Variants in EPHA6 observed in about 807,000 individuals in gnomAD.
EPHA6 encodes the protein ephrin type-A receptor 6.
EPHA6 carries 50 observed loss-of-function variants against 112.0 expected under a neutral mutation model. That is an observed-to-expected ratio of 0.45 (90% confidence interval 0.36 to 0.56). The LOEUF is 0.56. EPHA6 is among the 20% of genes least tolerant of loss of function. EPHA6 has a pLI of 0.00. For synonymous variants in EPHA6, 529 were observed against 490.7 expected (o/e 1.08, Z -1.03); for missense variants, 1,280 against 1,417.4 (o/e 0.90, Z 1.56).
intron 2 of EPHA6, among the ~76,000 whole-genome samples, chr3:96,875,531 A>G (rs2036894627): frequency 6.6e-6 from 1 of 152,118 alleles, no homozygotes; most frequent in Non-Finnish European, 1.5e-5. Context: ...GAGGAAGAAA[A>G]GTAACAGAAA....
intron 2 of EPHA6, among the ~76,000 whole-genome samples, chr3:96,960,858 G>A (rs1269446449): frequency 6.6e-6 from 1 of 152,076 alleles, no homozygotes; most frequent in East Asian, 1.9e-4. Flanking sequence ...TGAGTCATAG[G>A]TGAATAATCT....
intron 8 of EPHA6, among the ~76,000 whole-genome samples, chr3:97,478,651 T>C (rs1222319779): frequency 2.0e-5 from 3 of 152,162 alleles, no homozygotes; most frequent in Non-Finnish European, 2.9e-5. Context: ...TTGGAAAATA[T>C]TCTATGAAAA....
At chr3:97,105,139 T>G (rs1347571022) in intron 3 of EPHA6, among the ~76,000 whole-genome samples, 2 of 152,058 alleles carry the variant, frequency 1.3e-5, no homozygotes, top group African/African-American at 4.8e-5. Context: ...AGTCTACAGT[T>G]CCACTCTGAA....
Position 96,879,823 on chromosome 3 carries a change from A to C in EPHA6, c.450+12934A>C, listed in dbSNP as rs578130745. On this transcript the variant is annotated intron_variant, in intron 2 of 17. Coordinates refer to ENST00000389672, the MANE Select transcript of EPHA6 (RefSeq NM_001080448.3). ...TTCTCAGCTTGGTCATTGTTGGTGC[A>C]TAGAGTGCTACCAATTTGTGTACTC... 2.0e-5 allele frequency among the ~76,000 whole-genome samples: 3 copies of C among 152,256 alleles called. No homozygotes were observed. The South Asian group carries it at 6.2e-4, about 32-fold the overall frequency.
chr3:97,171,316 A>T (rs2108427714), intron 3 of EPHA6, among the ~76,000 whole-genome samples: 1 of 152,302 alleles, frequency 6.6e-6, no homozygotes, highest in East Asian at 1.9e-4. Context: ...TGTGAGAAGA[A>T]GATAAAGCTT....
chr3:97,691,755 G>C (rs2032682158), intron 14 of EPHA6, among the ~76,000 whole-genome samples: 1 of 152,168 alleles, frequency 6.6e-6, no homozygotes, highest in South Asian at 2.1e-4. Flanking sequence ...TGAAACAATA[G>C]TTGTAAATTA....
chr3:97,648,809 G>A (rs373858651), intron 14 of EPHA6, among the ~76,000 whole-genome samples: 10 of 152,094 alleles, frequency 6.6e-5, no homozygotes, highest in East Asian at 1.9e-4. Context: ...CTGATTTCTC[G>A]GATTCTAAAG....
rs138065501 is a variant in EPHA6 at position 96,996,356 on chromosome 3, TC to T, written c.1114+8364del. ...GATTTTTTTTACCTCCTCCCATGAATCACAGATGTTCTTAATGGTATCTAGA... is the reference window on the plus strand; with the variant it reads ...GATTTTTTTTACCTCCTCCCATGAATACAGATGTTCTTAATGGTATCTAGA... On this transcript the variant is annotated intron_variant, in intron 3 of 17. Transcript: ENST00000389672. Among the ~76,000 whole-genome samples, 450 of 152,250 alleles carry T rather than the reference TC, an allele frequency of 3.0e-3. 4 individuals are homozygous for T. Among genetic ancestry groups the T allele is most frequent in the African/African-American group, 9.8e-3 (407 of 41,568 alleles).
chr3:97,039,608 T>C lies in EPHA6; in HGVS notation c.1114+51615T>C, dbSNP rs150735944. ...AGTATATGTAGTTTTGTTTTATTTTTAAAATATCTTAATTTGGGGCATTTT... is the reference window on the plus strand; with the variant it reads ...AGTATATGTAGTTTTGTTTTATTTTCAAAATATCTTAATTTGGGGCATTTT... On this transcript the variant is annotated intron_variant, in intron 3 of 17. Transcript: ENST00000389672. 1.0e-3 allele frequency among the ~76,000 whole-genome samples: 152 copies of C among 152,200 alleles called. 2 individuals are homozygous for C. The highest frequency in any genetic ancestry group is 3.5e-3 in the African/African-American group (144 of 41,556).
intron 5 of EPHA6, among the ~76,000 whole-genome samples, chr3:97,287,280 C>T (rs2080502107): frequency 6.6e-6 from 1 of 151,980 alleles, no homozygotes; most frequent in South Asian, 2.1e-4. Context: ...GCATCCTTGT[C>T]TTGTTCCAGT....
chr3:97,681,083 G>A (rs1392439057), intron 14 of EPHA6, among the ~76,000 whole-genome samples: 2 of 152,060 alleles, frequency 1.3e-5, no homozygotes, highest in African/African-American at 2.4e-5. Flanking sequence ...AAAATAGGAA[G>A]AGGAATTTAC....
chr3:97,386,783 G>C (rs1007385164), intron 5 of EPHA6, among the ~76,000 whole-genome samples: 1 of 152,230 alleles, frequency 6.6e-6, no homozygotes, highest in African/African-American at 2.4e-5. Flanking sequence ...CATAGTAGAG[G>C]TTCTCCATGA....
rs980071621 is a variant in EPHA6 at position 97,264,557 on chromosome 3, C to T, written c.1606+20270C>T. On this transcript the variant is annotated intron_variant, in intron 5 of 17. Transcript: ENST00000389672. ...GGGGAGCTCCCAGGTCTGGACTCCTCGAAGGCCCACAGCTCTTCTTTCCTT... is the reference window on the plus strand; with the variant it reads ...GGGGAGCTCCCAGGTCTGGACTCCTTGAAGGCCCACAGCTCTTCTTTCCTT... 3.9e-5 allele frequency among the ~76,000 whole-genome samples: 6 copies of T among 152,162 alleles called. 1 individual carries two copies.
intron 12 of EPHA6, among the ~76,000 whole-genome samples, chr3:97,596,893 T>TATAC (rs1401657950): frequency 1.4e-5 from 2 of 139,850 alleles, no homozygotes; most frequent in African/African-American, 5.6e-5. Context: ...TATATATATA[T>TATAC]ATATATATAT....
chr3:97,733,503 C>A (rs1209201401), intron 15 of EPHA6, among the ~76,000 whole-genome samples: 2 of 152,030 alleles, frequency 1.3e-5, no homozygotes, highest in African/African-American at 4.8e-5. Flanking sequence ...GCTCCTCTAT[C>A]AAGACAAATC....
In EPHA6 at chr3:97,758,556, C is replaced by G. The variant is rs757158950; in HGVS notation, c.*9855C>G. ...TCGAAGCACTGAGGATACATGGTGA[C>G]CAAGACAAGCAAAGTCCCTGTCTCA... On this transcript the variant is annotated 3_prime_UTR_variant, in exon 18 of 18. Coordinates refer to ENST00000389672, the MANE Select transcript of EPHA6 (RefSeq NM_001080448.3). 3.3e-5 allele frequency among the ~76,000 whole-genome samples: 5 copies of G among 151,798 alleles called. No individual in the cohort carries two copies. Among genetic ancestry groups the G allele is most frequent in the Admixed American group, 6.6e-5 (1 of 15,224 alleles).
chr3:97,685,224 CTG>C (rs370632826), intron 14 of EPHA6, among the ~76,000 whole-genome samples: 3 of 152,148 alleles, frequency 2.0e-5, no homozygotes, highest in Admixed American at 6.5e-5. Context: ...TATTATAAAA[CTG>C]TTGTCAAATG....
intron 3 of EPHA6, among the ~76,000 whole-genome samples, chr3:97,037,685 A>G (rs1026934928): frequency 6.6e-6 from 1 of 152,078 alleles, no homozygotes. Flanking sequence ...GGATCATAAG[A>G]GGAAAGAAAG....
chr3:97,708,591 T>G (rs2033802077), intron 14 of EPHA6, among the ~76,000 whole-genome samples: 1 of 152,234 alleles, frequency 6.6e-6, no homozygotes, highest in Non-Finnish European at 1.5e-5. Flanking sequence ...AGAAATGTGC[T>G]TAAGTAAAGA....
Sources: allele counts gnomAD v4.1 joint callset (sites outside exome capture counted in the v4.1 genomes callset), GRCh38; gene constraint gnomAD v4.1.1; transcripts MANE v1.5; gene names NCBI Gene and HGNC (gene_info 2026-07-23, HGNC 2026-07-21).